NLRC3: variants seen among roughly 807,000 people sequenced by gnomAD.
The protein encoded by NLRC3 is NLR family CARD domain-containing protein 3.
Under a neutral mutation model 91.6 loss-of-function variants are expected in NLRC3, and 87 were observed. The observed-to-expected ratio is 0.95, with a 90% CI of 0.80 to 1.14. NLRC3 has a LOEUF of 1.14. NLRC3 is among the 50% of genes most tolerant of loss of function. The pLI is 0.00. For synonymous variants in NLRC3, 694 were observed against 625.3 expected, an observed-to-expected ratio of 1.11 and a Z score of -1.64; for missense variants, 1,577 against 1,418.6, an observed-to-expected ratio of 1.11 and a Z score of -1.79.
chr16:3,549,729 G>A lies in NLRC3; in HGVS notation c.2487C>T (p.Ala829=). Residue 829 remains alanine (A), a synonymous_variant, in exon 12 of 20, where the codon GCC becomes GCT. Coordinates refer to ENST00000359128, the MANE Select transcript of NLRC3 (RefSeq NM_178844.4). ...TGAGGAGGGTCTGGTTGGTGCAGAG[G>A]GCCCCCATCAGTGCTGCCACTCCTG... ...SDAGVAALMG[A]LCTNQTLLSL... 2 of 1,551,304 alleles carry A rather than the reference G, an allele frequency of 1.3e-6. No individual in the cohort carries two copies. Among genetic ancestry groups the A allele is most frequent in the Non-Finnish European group, 1.7e-6 (2 of 1,146,850 alleles).
At chr16:3,542,020 CT>C (rs2038426935) in intron 19 of NLRC3, 105 bp from the exon 20 acceptor site, 2 of 813,672 alleles carry the variant, frequency 2.5e-6, no homozygotes, top group African/African-American at 1.7e-5. Flanking sequence ...CTTTGTGCTT[CT>C]AGGATCCCCT....
At chr16:3,565,435 A>G in intron 2 of NLRC3, 55 bp from the exon 3 acceptor site, 1 of 423,698 alleles carries the variant, frequency 2.4e-6, no homozygotes. Flanking sequence ...GGAGGAATGA[A>G]AGAAGGTACT....
At chr16:3,573,825 C>T (rs2040185054) in intron 1 of NLRC3, among the ~76,000 whole-genome samples, 1 of 151,776 alleles carries the variant, frequency 6.6e-6, no homozygotes. Flanking sequence ...CTTGCTTTGT[C>T]GCTAAAAAAT....
Position 3,541,815 on chromosome 16 carries a change from T to C in NLRC3, c.*10A>G. The C allele has an allele frequency of 1.3e-6, 2 of 1,575,216 alleles. No individual in the cohort carries two copies. The highest frequency in any genetic ancestry group is 1.7e-6 in the Non-Finnish European group (2 of 1,145,626). Reference sequence around the variant, plus strand: ...AGCATCTGCCCATTCTCCTGATCCGTCCACCAGGATCACATTTCAACAGTG... The same window carrying C: ...AGCATCTGCCCATTCTCCTGATCCGCCCACCAGGATCACATTTCAACAGTG... On this transcript the variant is annotated 3_prime_UTR_variant, in exon 20 of 20. Coordinates refer to ENST00000359128, the MANE Select transcript of NLRC3 (RefSeq NM_178844.4).
chr16:3,577,152 C>A lies in NLRC3; in HGVS notation c.-172G>T. ...AGGTCACCTGGACCCAACTTACCTC[C>A]CGGGCCTCGATGCTGCTCCAGGGAC... is the stretch of plus-strand genomic sequence containing the variant. On this transcript the variant is annotated 5_prime_UTR_variant, in exon 1 of 20. Coordinates refer to ENST00000359128, the MANE Select transcript of NLRC3 (RefSeq NM_178844.4). The A allele has an allele frequency of 1.4e-6, 1 of 703,104 alleles. No homozygotes were observed. The highest frequency in any genetic ancestry group is 2.6e-6 in the Non-Finnish European group (1 of 385,030). The allele number at this position is 703,104 out of a possible 1,614,324, so 43.6% of individuals were successfully genotyped here.
At position 3,561,707 on chromosome 16, in the gene NLRC3, C is replaced by T. The variant is rs1429175863; in HGVS notation, c.2010G>A (p.Lys670=). The change falls in exon 6 of 20, where the codon AAG becomes AAA. Residue 670 remains lysine (K), a synonymous_variant. Transcript: ENST00000359128. ...VLSGKDCRIQ[K]ISLAENQISN... is the part of the protein sequence containing the mutation. ...GTCCCCTGGGTCTGTGTTACCTGAT[C>T]TTCTGAATGCGACAGTCCTTCCCAC... The T allele has an allele frequency of 1.2e-6, 2 of 1,611,596 alleles. No homozygotes were observed. The highest frequency in any genetic ancestry group is 1.1e-5 in the South Asian group (1 of 91,032).
rs1015610998 is a variant in NLRC3, at chr16:3,561,807, G to A, written c.1929-19C>T. 2 of 1,592,772 alleles carry A rather than the reference G, an allele frequency of 1.3e-6. No individual in the cohort carries two copies. The highest frequency in any genetic ancestry group is 1.7e-6 in the Non-Finnish European group (2 of 1,161,146). ...GTCCAGCCTGGCCAAGGGGAGCAGTGACAGTGAGTGTCCCACCCGCCCACG... is the reference window on the plus strand; with the variant it reads ...GTCCAGCCTGGCCAAGGGGAGCAGTAACAGTGAGTGTCCCACCCGCCCACG... On this transcript the variant is annotated intron_variant, in intron 5 of 19. Transcript: ENST00000359128.
intron 1 of NLRC3, among the ~76,000 whole-genome samples, chr16:3,574,220 G>T (rs376545447): frequency 6.6e-6 from 1 of 151,700 alleles, no homozygotes; most frequent in African/African-American, 2.4e-5. Context: ...TCACCATGTT[G>T]GCCAGGCTGG....
At position 3,563,103 on chromosome 16, in the gene NLRC3, C is replaced by A. The variant is rs778593484; in HGVS notation, c.1834G>T (p.Asp612Tyr). 1 of 1,576,952 alleles carries A rather than the reference C, an allele frequency of 6.3e-7. No individual in the cohort carries two copies. Among genetic ancestry groups the A allele is most frequent in the Non-Finnish European group, 8.6e-7 (1 of 1,162,182 alleles). The change falls in exon 5 of 20, where the codon GAC becomes TAC. Residue 612 changes from aspartate to tyrosine, a missense_variant. Asp to Tyr is a radical substitution (Grantham distance 160, BLOSUM62 -3). Transcript: ENST00000359128. The part of the protein sequence containing the change: ...AALAYLLQVS[D>Y]ACAQEANLSL... The stretch of plus-strand genomic sequence containing the variant: ...AGGTTGGCCTCCTGGGCACAGGCGT[C>A]GGACACCTGCAGGAGGTAGGCCAGG...
In NLRC3 at chr16:3,541,721, C is replaced by T; in HGVS notation, c.*104G>A. The T allele has an allele frequency of 1.3e-6, 1 of 759,730 alleles. No individual in the cohort carries two copies. The highest frequency in any genetic ancestry group is 2.3e-6 in the Non-Finnish European group (1 of 441,380). The allele number at this position is 759,730 out of a possible 1,614,324, so 47.1% of individuals were successfully genotyped here. A position where few individuals can be genotyped will look rare whatever the true frequency, so the allele number is the denominator to read the frequency against. On this transcript the variant is annotated 3_prime_UTR_variant, in exon 20 of 20. Coordinates refer to ENST00000359128, the MANE Select transcript of NLRC3 (RefSeq NM_178844.4). ...TGCAGAGCCCGGCTCTCGTGCTGAG[C>T]AAGCAGCGTTCCCAGCTCCCAGACA...
chr16:3,566,147 A>ACTATGGAC (rs2039876072), intron 2 of NLRC3, among the ~76,000 whole-genome samples: 1 of 149,924 alleles, frequency 6.7e-6, no homozygotes, highest in Non-Finnish European at 1.5e-5. Flanking sequence ...CAGAGTATAC[A>ACTATGGAC]CTATGGACAT....
At chr16:3,548,605 G>C in intron 14 of NLRC3, 65 bp downstream of exon 14, 1 of 1,252,636 alleles carries the variant, frequency 8.0e-7, no homozygotes, top group Non-Finnish European at 1.1e-6. Flanking sequence ...TGCATCGTTG[G>C]TTTGGGTGGA....
At chr16:3,558,086 A>G (rs1444816749) in intron 6 of NLRC3, among the ~76,000 whole-genome samples, 1 of 152,198 alleles carries the variant, frequency 6.6e-6, no homozygotes, top group African/African-American at 2.4e-5. Flanking sequence ...ATGCCTATAC[A>G]ATCCCAGCAC....
intron 1 of NLRC3, among the ~76,000 whole-genome samples, chr16:3,570,173 T>G (rs2040048465): frequency 6.6e-6 from 1 of 151,726 alleles, no homozygotes; most frequent in African/African-American, 2.4e-5. Flanking sequence ...TACACTTTTT[T>G]TTTTTGAGAC....
chr16:3,565,147 C>T, intron 3 of NLRC3, 87 bp from the exon 4 acceptor site: 1 of 994,202 alleles, frequency 1.0e-6, no homozygotes, highest in Non-Finnish European at 1.5e-6. Flanking sequence ...GGAACGGGGT[C>T]AGGGATCCCC....
intron 17 of NLRC3, 64 bp from the exon 18 acceptor site, chr16:3,542,839 G>C: frequency 8.6e-7 from 1 of 1,162,958 alleles, no homozygotes. Context: ...TGACCCCTCT[G>C]CGGGTGGGCT....
Position 3,566,990 on chromosome 16 carries a change from C to T in NLRC3, c.-87+253G>A, listed in dbSNP as rs181680546. Among the ~76,000 whole-genome samples the T allele has an allele frequency of 2.7e-3, 417 of 152,248 alleles. 1 individual carries two copies. Among genetic ancestry groups the T allele is most frequent in the African/African-American group, 9.2e-3 (384 of 41,558 alleles). On this transcript the variant is annotated intron_variant, in intron 2 of 19. Transcript: ENST00000359128. ...AAGGAGAAAACGCTGGTTCTCAGAGCGGCTGTTTTTCTTACTATGTTCCTG... is the reference window on the plus strand; with the variant it reads ...AAGGAGAAAACGCTGGTTCTCAGAGTGGCTGTTTTTCTTACTATGTTCCTG...
At chr16:3,559,096 G>A (rs530498138) in intron 6 of NLRC3, among the ~76,000 whole-genome samples, 159 of 152,256 alleles carry the variant, frequency 1.0e-3, no homozygotes, top group Non-Finnish European at 1.4e-3. Flanking sequence ...CTATATTGAA[G>A]CAAACTGTTC....
At chr16:3,554,424 G>A in intron 8 of NLRC3, 99 bp from the exon 9 acceptor site, 1 of 839,284 alleles carries the variant, frequency 1.2e-6, no homozygotes. Context: ...GGAGCAAGGG[G>A]TTCTGACCAC....
Sources: allele counts gnomAD v4.1 joint callset (sites outside exome capture counted in the v4.1 genomes callset), GRCh38; gene constraint gnomAD v4.1.1; transcripts MANE v1.5; gene names NCBI Gene and HGNC (gene_info 2026-07-23, HGNC 2026-07-21).